Variants in VSTM2L observed in about 807,000 individuals in gnomAD.
VSTM2L encodes V-set and transmembrane domain-containing protein 2-like protein.
A neutral mutation model predicts 19.9 loss-of-function variants in VSTM2L; 9 were observed. That is an observed-to-expected ratio of 0.45 (90% CI 0.27 to 0.79). The LOEUF is 0.79. Ranked by LOEUF, VSTM2L falls within the 30% of genes least tolerant of loss-of-function variation. The probability of loss-of-function intolerance (pLI) is 0.15; values close to 1 mark genes in which losing one functional copy is unlikely to be tolerated. For missense variants in VSTM2L, 286 were observed against 295.5 expected, an observed-to-expected ratio of 0.97 and a Z score of 0.24; for synonymous variants, 127 against 133.8, an observed-to-expected ratio of 0.95 and a Z score of 0.35.
intron 1 of VSTM2L, among the ~76,000 whole-genome samples, chr20:37,916,908 G>T (rs1187344294): frequency 6.6e-6 from 1 of 152,208 alleles, no homozygotes; most frequent in Non-Finnish European, 1.5e-5. Context: ...GTTGCCAGGG[G>T]TTAGGGGAGA....
rs796233621 is a variant in VSTM2L at position 37,945,282 on chromosome 20, TG to T, written c.*1032del. On this transcript the variant is annotated 3_prime_UTR_variant, in exon 4 of 4. Coordinates refer to ENST00000373461, the MANE Select transcript of VSTM2L (RefSeq NM_080607.3). ...AGAGGCCGAGGGCTTTGCCTAGGGG[TG>T]GGTTGCCCTGTATACATGATCCAGT... is the stretch of plus-strand genomic sequence containing the variant. 8 of 985,154 alleles carry T rather than the reference TG, an allele frequency of 8.1e-6. No individual in the cohort carries two copies. The African/African-American group carries it at 1.4e-4, about 17-fold the overall frequency. 61.0% of individuals were successfully genotyped at this position (985,154 alleles called of 1,614,324 possible).
At chr20:37,908,807 GTAAA>G (rs2072764409) in intron 1 of VSTM2L, among the ~76,000 whole-genome samples, 1 of 152,152 alleles carries the variant, frequency 6.6e-6, no homozygotes, top group Admixed American at 6.5e-5. Context: ...TGTCTCAAAA[GTAAA>G]TAAATAGATA....
chr20:37,905,848 G>A (rs748897283), intron 1 of VSTM2L, among the ~76,000 whole-genome samples: 2 of 152,178 alleles, frequency 1.3e-5, no homozygotes, highest in African/African-American at 2.4e-5. Context: ...AGTGAGACGC[G>A]GCGAATAAGT....
intron 1 of VSTM2L, among the ~76,000 whole-genome samples, chr20:37,929,802 G>C (rs1413169314): frequency 2.0e-5 from 3 of 152,014 alleles, no homozygotes. Flanking sequence ...TGGGAAGGGA[G>C]AGTGGAGGGA....
chr20:37,933,410 C>G, intron 2 of VSTM2L, 129 bp from the exon 3 acceptor site: 1 of 736,830 alleles, frequency 1.4e-6, no homozygotes, highest in Non-Finnish European at 2.2e-6. Context: ...CCCCGAGCCT[C>G]ATCTGCTGTC....
intron 1 of VSTM2L, among the ~76,000 whole-genome samples, chr20:37,915,100 A>G (rs1406588593): frequency 6.6e-6 from 1 of 152,208 alleles, no homozygotes; most frequent in Non-Finnish European, 1.5e-5. Context: ...GCCAGAGCGC[A>G]GGATAGTGGA....
intron 2 of VSTM2L, 106 bp from the exon 3 acceptor site, chr20:37,933,433 G>GCGGTTGTC: frequency 2.2e-6 from 2 of 913,120 alleles, no homozygotes; most frequent in South Asian, 3.3e-5. Flanking sequence ...GAGAATCTTA[G>GCGGTTGTC]CGGTTGTCCG....
rs374791129 is a variant in VSTM2L, at chr20:37,940,298, G to A, written c.343-3683G>A. On this transcript the variant is annotated intron_variant, in intron 3 of 3. Transcript: ENST00000373461. ...CCAGCAGGGCCTGGCACTAGGGAGG[G>A]GGCACCCCCACAGCCAGAGGGGCAG... is the stretch of plus-strand genomic sequence containing the variant. 4.1e-4 allele frequency among the ~76,000 whole-genome samples: 63 copies of A among 152,334 alleles called. No individual in the cohort carries two copies. In the East Asian group the frequency reaches 4.8e-3, roughly 12 times the overall value.
chr20:37,926,148 G>A (rs774835784), intron 1 of VSTM2L, among the ~76,000 whole-genome samples: 8 of 152,056 alleles, frequency 5.3e-5, no homozygotes, highest in Non-Finnish European at 1.0e-4. Context: ...TGCAACCTCC[G>A]CCTCCCAGAT....
rs570731937 is a variant in VSTM2L, at chr20:37,923,049, C to T, written c.122-8586C>T. 3.3e-5 allele frequency among the ~76,000 whole-genome samples: 5 copies of T among 152,252 alleles called. No individual in the cohort carries two copies. The East Asian group carries it at 5.8e-4, about 18-fold the overall frequency. On this transcript the variant is annotated intron_variant, in intron 1 of 3. Transcript: ENST00000373461. The stretch of plus-strand genomic sequence containing the variant: ...TGTTTATTGAGCACCTACTATGTGC[C>T]GTGAGGCGTGAGGCACATGTTGTCT...
At chr20:37,904,498 C>T (rs1568832060) in intron 1 of VSTM2L, among the ~76,000 whole-genome samples, 1 of 152,228 alleles carries the variant, frequency 6.6e-6, no homozygotes, top group Non-Finnish European at 1.5e-5. Flanking sequence ...TGTATGAGCC[C>T]GGCAGCTGTG....
chr20:37,931,704 T>G lies in VSTM2L; in HGVS notation c.191T>G (p.Phe64Cys). 1 of 1,613,740 alleles carries G rather than the reference T, an allele frequency of 6.2e-7. No individual in the cohort carries two copies. The highest frequency in any genetic ancestry group is 2.2e-5 in the East Asian group (1 of 44,874). Residue 64 changes from phenylalanine (F) to cysteine (C), a missense_variant, in exon 2 of 4, where the codon TTC (phenylalanine) becomes TGC (cysteine). Coordinates refer to ENST00000373461, the MANE Select transcript of VSTM2L (RefSeq NM_080607.3). Reference sequence around the variant, plus strand: ...GAGGACGTGGAGATGGCCTGCTCCTTCCGCGGCAGCGGCTCCCCCTCCTAC... The same window carrying G: ...GAGGACGTGGAGATGGCCTGCTCCTGCCGCGGCAGCGGCTCCCCCTCCTAC... ...TGEDVEMACS[F>C]RGSGSPSYSL...
rs752949379 is a variant in VSTM2L, at chr20:37,931,685, G to A, written c.172G>A (p.Val58Met). 2.9e-5 allele frequency: 46 copies of A among 1,613,532 alleles called. No homozygotes were observed. Among genetic ancestry groups the A allele is most frequent in the African/African-American group, 1.9e-4 (14 of 74,956 alleles). Residue 58 changes from valine to methionine, a missense_variant, in exon 2 of 4, where the codon GTG becomes ATG. Transcript: ENST00000373461. Reference sequence around the variant, plus strand: ...CATGACAGCACGGACGGGCGAGGACGTGGAGATGGCCTGCTCCTTCCGCGG... The same window carrying A: ...CATGACAGCACGGACGGGCGAGGACATGGAGATGGCCTGCTCCTTCCGCGG... ...HDMTARTGEDVEMACSFRGSG... is the reference protein window; with the variant it reads ...HDMTARTGEDMEMACSFRGSG...
chr20:37,944,387 C>T lies in VSTM2L; in HGVS notation c.*134C>T. On this transcript the variant is annotated 3_prime_UTR_variant, in exon 4 of 4. Coordinates refer to ENST00000373461, the MANE Select transcript of VSTM2L (RefSeq NM_080607.3). ...AGGCCGCCTGTGGCCACCATGTCGG[C>T]CCTCTTTCCACCACCCCTTGCTCAG... 7.8e-7 allele frequency: 1 copy of T among 1,286,598 alleles called. No individual in the cohort carries two copies. The highest frequency in any genetic ancestry group is 1.0e-6 in the Non-Finnish European group (1 of 989,578). 79.7% of individuals were successfully genotyped at this position (1,286,598 alleles called of 1,614,324 possible). A position where few individuals can be genotyped will look rare whatever the true frequency, so the allele number is the denominator to read the frequency against.
chr20:37,924,073 C>G (rs1036089249), intron 1 of VSTM2L, among the ~76,000 whole-genome samples: 1 of 151,954 alleles, frequency 6.6e-6, no homozygotes, highest in Non-Finnish European at 1.5e-5. Context: ...CCTGTCTCTA[C>G]AAAAATTTTA....
intron 1 of VSTM2L, among the ~76,000 whole-genome samples, chr20:37,910,095 G>A (rs1165255034): frequency 2.0e-5 from 3 of 152,182 alleles, no homozygotes; most frequent in Non-Finnish European, 4.4e-5. Flanking sequence ...GGGTCCTACC[G>A]GAGAGATGAT....
intron 1 of VSTM2L, among the ~76,000 whole-genome samples, chr20:37,907,635 C>T (rs2072757908): frequency 1.3e-5 from 2 of 151,938 alleles, no homozygotes; most frequent in Admixed American, 6.6e-5. Context: ...AGACAACTCC[C>T]CTCCCACCCC....
chr20:37,920,653 C>T (rs567500153), intron 1 of VSTM2L, among the ~76,000 whole-genome samples: 2 of 152,290 alleles, frequency 1.3e-5, no homozygotes, highest in African/African-American at 2.4e-5. Flanking sequence ...AGGAGGCCGG[C>T]CTGCCAAGCC....
intron 1 of VSTM2L, among the ~76,000 whole-genome samples, chr20:37,914,416 C>G (rs112449989): frequency 0.38 from 512 of 1,354 alleles, 31 homozygotes; most frequent in African/African-American, 0.48. Flanking sequence ...GTGGGTATGT[C>G]TGTATATGTG....
Sources: allele counts gnomAD v4.1 joint callset (sites outside exome capture counted in the v4.1 genomes callset), GRCh38; gene constraint gnomAD v4.1.1; transcripts MANE v1.5; gene names NCBI Gene and HGNC (gene_info 2026-07-23, HGNC 2026-07-21).